SAMD5: variants seen among roughly 807,000 people sequenced by gnomAD.
The protein encoded by SAMD5 is sterile alpha motif domain containing 5, also known as sterile alpha motif domain-containing protein 5.
Under a neutral mutation model 11.3 loss-of-function variants are expected in SAMD5, and 13 were observed. The observed-to-expected ratio is 1.15, with a 90% CI of 0.75 to 1.83. The LOEUF is 1.83. Among genes scored for constraint, SAMD5 ranks in the 40% most tolerant of loss-of-function variants. The pLI is 0.00. For synonymous variants in SAMD5, 129 were observed against 111.3 expected (o/e 1.16, Z -1.00); for missense variants, 255 against 239.1 (o/e 1.07, Z -0.44).
At chr6:147,618,918 G>A (rs1789915269) in intron 1 of SAMD5, among the ~76,000 whole-genome samples, 2 of 152,240 alleles carry the variant, frequency 1.3e-5, no homozygotes, top group African/African-American at 4.8e-5. Context: ...TAAAGAGGAT[G>A]TGTCTTATGA....
chr6:147,718,612 G>A (rs1791500785), intron 1 of SAMD5, among the ~76,000 whole-genome samples: 2 of 152,294 alleles, frequency 1.3e-5, no homozygotes, highest in African/African-American at 4.8e-5. Context: ...GGAATTGATG[G>A]TTTAACCAGG....
chr6:147,768,394 A>T, the SAMD5 span, among the ~76,000 whole-genome samples: 1 of 152,148 alleles, frequency 6.6e-6, no homozygotes, highest in African/African-American at 2.4e-5. Context: ...GCTACTTGGG[A>T]GGCTGAGGTA....
chr6:147,530,077 G>A (rs892777671), intron 1 of SAMD5, among the ~76,000 whole-genome samples: 3 of 152,030 alleles, frequency 2.0e-5, no homozygotes, highest in African/African-American at 7.2e-5. Flanking sequence ...CCATATATGG[G>A]GACGATTTTT....
At chr6:147,946,152 C>T in the SAMD5 span, among the ~76,000 whole-genome samples, 2 of 152,184 alleles carry the variant, frequency 1.3e-5, no homozygotes, top group African/African-American at 4.8e-5. Context: ...TCTCCCCCAA[C>T]CCTTGAGTAT....
the SAMD5 span, among the ~76,000 whole-genome samples, chr6:147,755,318 C>T: frequency 5.9e-5 from 9 of 152,112 alleles, no homozygotes; most frequent in African/African-American, 2.2e-4. Flanking sequence ...TTATGCGTGG[C>T]TATAGTAAAT....
intron 1 of SAMD5, among the ~76,000 whole-genome samples, chr6:147,718,401 G>A (rs1004372723): frequency 6.6e-6 from 1 of 152,174 alleles, no homozygotes; most frequent in African/African-American, 2.4e-5. Flanking sequence ...CTAGTTTGCT[G>A]AACTAGAGGG....
chr6:147,644,554 G>GT (rs978887537), intron 1 of SAMD5, among the ~76,000 whole-genome samples: 2 of 152,070 alleles, frequency 1.3e-5, no homozygotes, highest in Non-Finnish European at 2.9e-5. Flanking sequence ...TAAGGAAAAA[G>GT]TTTTTTCTAG....
intron 1 of SAMD5, among the ~76,000 whole-genome samples, chr6:147,558,087 A>G (rs762003138): frequency 1.3e-5 from 2 of 152,202 alleles, no homozygotes; most frequent in Non-Finnish European, 2.9e-5. Context: ...TAATCATAGT[A>G]TGTTCTATAA....
chr6:147,770,761 A>T, the SAMD5 span, among the ~76,000 whole-genome samples: 1 of 152,180 alleles, frequency 6.6e-6, no homozygotes, highest in Admixed American at 6.5e-5. Context: ...ATATTTCTTC[A>T]TAAATGAACA....
chr6:147,702,846 T>C (rs1695438090), intron 1 of SAMD5, among the ~76,000 whole-genome samples: 1 of 152,142 alleles, frequency 6.6e-6, no homozygotes, highest in Non-Finnish European at 1.5e-5. Flanking sequence ...TGTCTGTCTG[T>C]CTGCCTGTTT....
chr6:147,807,417 T>C, the SAMD5 span, among the ~76,000 whole-genome samples: 7 of 152,314 alleles, frequency 4.6e-5, no homozygotes, highest in African/African-American at 1.4e-4. Flanking sequence ...ATTTCTGTTG[T>C]TTAAGCCACA....
downstream of SAMD5, among the ~76,000 whole-genome samples, chr6:147,571,164 G>A (rs777571882): frequency 2.6e-5 from 4 of 152,104 alleles, no homozygotes; most frequent in African/African-American, 9.7e-5. Flanking sequence ...TATGCTTCAG[G>A]TCCTCCTTGA....
intron 1 of SAMD5, among the ~76,000 whole-genome samples, chr6:147,663,137 A>G (rs1015980993): frequency 6.6e-6 from 1 of 152,216 alleles, no homozygotes; most frequent in Non-Finnish European, 1.5e-5. Flanking sequence ...TGAATATTAG[A>G]ATTAATAATA....
At chr6:147,646,862 G>T (rs923930954) in intron 1 of SAMD5, among the ~76,000 whole-genome samples, 1 of 151,698 alleles carries the variant, frequency 6.6e-6, no homozygotes, top group African/African-American at 2.4e-5. Context: ...TAAAGGCCAG[G>T]CGTGGTGGCT....
At chr6:147,855,406 C>G in the SAMD5 span, among the ~76,000 whole-genome samples, 1 of 152,166 alleles carries the variant, frequency 6.6e-6, no homozygotes, top group African/African-American at 2.4e-5. Context: ...ACTAGAAACT[C>G]TATGACTTTC....
chr6:147,759,513 T>C, the SAMD5 span, among the ~76,000 whole-genome samples: 9 of 152,158 alleles, frequency 5.9e-5, no homozygotes, highest in South Asian at 1.2e-3. Flanking sequence ...AAGAAGAATT[T>C]GTTGTCCTTA....
chr6:147,932,078 C>T, the SAMD5 span, among the ~76,000 whole-genome samples: 1 of 152,116 alleles, frequency 6.6e-6, no homozygotes, highest in Non-Finnish European at 1.5e-5. Flanking sequence ...AAATTAGTCC[C>T]TTTCTTCTGG....
At chr6:147,570,971 G>C (rs1471908061), downstream of SAMD5, among the ~76,000 whole-genome samples, 2 of 152,068 alleles carry the variant, frequency 1.3e-5, no homozygotes, top group Non-Finnish European at 2.9e-5. Flanking sequence ...ATACCTAAAG[G>C]GTTCTGTGGC....
At chr6:147,781,704 T>C in the SAMD5 span, among the ~76,000 whole-genome samples, 32 of 152,072 alleles carry the variant, frequency 2.1e-4, no homozygotes, top group Middle Eastern at 3.4e-3. Flanking sequence ...TGGATGTATA[T>C]ATTTAAAATA....
Sources: allele counts gnomAD v4.1 joint callset (sites outside exome capture counted in the v4.1 genomes callset), GRCh38; gene constraint gnomAD v4.1.1; transcripts MANE v1.5; gene names NCBI Gene and HGNC (gene_info 2026-07-23, HGNC 2026-07-21).